The following MED24 variants were observed in gnomAD, a reference collection of about 807,000 sequenced individuals.
The protein encoded by MED24 is mediator of RNA polymerase II transcription subunit 24.
Under a neutral mutation model 118.8 loss-of-function variants are expected in MED24, and 74 were observed. That is an observed-to-expected ratio of 0.62 (90% CI 0.52 to 0.76). The LOEUF (loss-of-function observed/expected upper bound fraction) is 0.76. Ranked by LOEUF, MED24 falls within the 30% of genes least tolerant of loss-of-function variation. The probability of loss-of-function intolerance (pLI) is 0.00; values close to 1 mark genes in which losing one functional copy is unlikely to be tolerated. For synonymous variants in MED24, 521 were observed against 523.9 expected (o/e 0.99, Z 0.08); for missense variants, 1,041 against 1,278.9 (o/e 0.81, Z 2.84).
At chr17:40,050,593 C>T (rs985631151) in intron 3 of MED24, among the ~76,000 whole-genome samples, 2 of 151,868 alleles carry the variant, frequency 1.3e-5, no homozygotes, top group Admixed American at 6.6e-5. Context: ...CCAGCCTGGG[C>T]GACAGAGCAA....
intron 23 of MED24, chr17:40,021,308 A>G (rs1210301990): frequency 6.6e-6 from 1 of 152,352 alleles, no homozygotes; most frequent in East Asian, 1.9e-4. Flanking sequence ...CAGCACTTGT[A>G]GCTGGCAAAC....
chr17:40,045,506 G>C (rs969612175), intron 3 of MED24, among the ~76,000 whole-genome samples: 2 of 151,322 alleles, frequency 1.3e-5, no homozygotes, highest in African/African-American at 4.9e-5. Context: ...CAGTGGTTTA[G>C]GGGTGAGCTC....
intron 23 of MED24, chr17:40,021,372 C>G (rs1981982605): frequency 6.6e-6 from 1 of 152,354 alleles, no homozygotes; most frequent in African/African-American, 2.4e-5. Context: ...TCCTAAAAGG[C>G]TTCAGAGAAA....
At chr17:40,041,534 C>T (rs1381444704) in intron 3 of MED24, among the ~76,000 whole-genome samples, 1 of 152,134 alleles carries the variant, frequency 6.6e-6, no homozygotes, top group South Asian at 2.1e-4. Context: ...GTACCAGACA[C>T]GTATGTTCAA....
rs757904280 is a variant in MED24, at chr17:40,031,595, G to A, written c.1010C>T (p.Ala337Val). The A allele has an allele frequency of 2.2e-5, 35 of 1,614,028 alleles. No individual in the cohort carries two copies. In the South Asian group the frequency reaches 3.5e-4, roughly 16 times the overall value. ...DKDFTEDVNC[A>V]FEFLLKLTPL... is the part of the protein sequence containing the mutation. ...GGTGAGCTTCAGCAGGAACTCAAAA[G>A]CACAGTTGACATCCTCAGTGAAGTC... Residue 337 changes from alanine (A) to valine (V), a missense_variant, in exon 11 of 26, where the codon GCT becomes GTT. By Grantham distance (64) the Ala-to-Val change is moderately conservative. Transcript: ENST00000394128.
chr17:40,035,432 C>T, intron 5 of MED24, 83 bp from the exon 6 acceptor site: 1 of 1,371,182 alleles, frequency 7.3e-7, no homozygotes, highest in South Asian at 1.4e-5. Context: ...GAGTCCCTGG[C>T]ACTCCCCTAC....
chr17:40,020,116 G>T, intron 24 of MED24, 157 bp downstream of exon 24: 3 of 1,005,392 alleles, frequency 3.0e-6, no homozygotes, highest in East Asian at 2.6e-5. Context: ...AACTAGACAG[G>T]AGCCTGGGGG....
chr17:40,022,091 AC>A (rs560710795), intron 22 of MED24, 37 bp from the exon 23 acceptor site: 11 of 1,458,232 alleles, frequency 7.5e-6, no homozygotes, highest in African/African-American at 2.8e-5. Context: ...ACACCCCTAA[AC>A]CCCCCAGTTT....
rs756886135 is a variant in MED24, at chr17:40,027,067, G to C, written c.1531-33C>G. 5.0e-6 allele frequency: 8 copies of C among 1,610,012 alleles called. No individual in the cohort carries two copies. In the South Asian group the frequency reaches 8.8e-5, roughly 18 times the overall value. On this transcript the variant is annotated intron_variant, in intron 16 of 25. Transcript: ENST00000394128. ...AGGGGAAGGGGGGCACCAGCCGAGT[G>C]GGGAGGGCGCGGCGCCTGCCAGCGC...
intron 3 of MED24, among the ~76,000 whole-genome samples, chr17:40,051,112 G>A (rs894838344): frequency 4.2e-5 from 6 of 142,110 alleles, no homozygotes; most frequent in East Asian, 2.1e-4. Context: ...CTCCAGCCTG[G>A]GCAACAAGAG....
rs1421466201 is a variant in MED24, at chr17:40,027,279, A to G, written c.1530+104T>C. The G allele has an allele frequency of 6.6e-6, 9 of 1,354,070 alleles. No homozygotes were observed. In the Admixed American group the frequency reaches 2.1e-4, roughly 31 times the overall value. The allele number at this position is 1,354,070 out of a possible 1,614,324, so 83.9% of individuals were successfully genotyped here. On this transcript the variant is annotated intron_variant, in intron 16 of 25. Coordinates refer to ENST00000394128, the MANE Select transcript of MED24 (RefSeq NM_014815.4). The stretch of plus-strand genomic sequence containing the variant: ...GGCACCTGGTTTCTGAGGCCCACAG[A>G]ACTAACTGGCTGAGAGGCTGCGGGG...
chr17:40,027,317 A>G, intron 16 of MED24, 66 bp downstream of exon 16: 1 of 1,500,032 alleles, frequency 6.7e-7, no homozygotes, highest in Non-Finnish European at 9.0e-7. Flanking sequence ...GCAGGCAGTG[A>G]GGTGGGGAGA....
intron 19 of MED24, 137 bp downstream of exon 19, chr17:40,026,019 T>C: frequency 1.2e-6 from 1 of 848,662 alleles, no homozygotes. Flanking sequence ...GATGAGTGAA[T>C]GCATGAATAG....
intron 8 of MED24, 124 bp from the exon 9 acceptor site, chr17:40,032,886 G>T: frequency 7.6e-7 from 1 of 1,311,580 alleles, no homozygotes; most frequent in Non-Finnish European, 1.1e-6. Flanking sequence ...TATGTGCTGA[G>T]AACCAGGGGA....
intron 3 of MED24, among the ~76,000 whole-genome samples, chr17:40,052,881 C>G (rs1985997787): frequency 6.6e-6 from 1 of 152,192 alleles, no homozygotes; most frequent in African/African-American, 2.4e-5. Context: ...GAATCTTACT[C>G]TTTCATCTAG....
At chr17:40,026,820 A>G in intron 17 of MED24, 36 bp downstream of exon 17, 1 of 1,611,310 alleles carries the variant, frequency 6.2e-7, no homozygotes. Context: ...CCCTGCCCCC[A>G]CCGCCACCCT....
chr17:40,040,602 TTTTTTTTTTTAATTTTATTTTC>T (rs1226055555), intron 3 of MED24, among the ~76,000 whole-genome samples: 2 of 146,374 alleles, frequency 1.4e-5, no homozygotes, highest in Non-Finnish European at 3.0e-5. Flanking sequence ...CATATAAAAG[TTTTTTTTTTTAATTTTATTTTC>T]TTTTTTTTTT....
intron 3 of MED24, among the ~76,000 whole-genome samples, chr17:40,037,872 C>T (rs1209847586): frequency 1.3e-5 from 2 of 150,852 alleles, no homozygotes; most frequent in African/African-American, 2.4e-5. Context: ...GATTGCGCCA[C>T]TGCACTCCAG....
At chr17:40,053,218 A>G in intron 3 of MED24, 80 bp downstream of exon 3, 2 of 1,334,314 alleles carry the variant, frequency 1.5e-6, no homozygotes, top group East Asian at 4.7e-5. Flanking sequence ...TACAGCCATG[A>G]ACCACCGGGG....
Sources: allele counts gnomAD v4.1 joint callset (sites outside exome capture counted in the v4.1 genomes callset), GRCh38; gene constraint gnomAD v4.1.1; transcripts MANE v1.5; gene names NCBI Gene and HGNC (gene_info 2026-07-23, HGNC 2026-07-21).